The following CD99 variants were observed in gnomAD, a reference collection of about 807,000 sequenced individuals.
CD99 encodes CD99 molecule (Xg blood group).
CD99 carries 19 observed loss-of-function variants against 28.4 expected under a neutral mutation model. That is an observed-to-expected ratio of 0.67 (90% CI 0.47 to 0.98). The LOEUF is 0.98. Ranked by LOEUF, CD99 falls within the 50% of genes least tolerant of loss-of-function variation. CD99 has a pLI of 0.00. For missense variants in CD99, 283 were observed against 248.8 expected, an observed-to-expected ratio of 1.14 and a Z score of -0.92; for synonymous variants, 103 against 92.1, an observed-to-expected ratio of 1.12 and a Z score of -0.67.
intron 8 of CD99, chrX:2,733,271 G>A (rs1293159411): frequency 3.2e-5 from 45 of 1,385,506 alleles, no homozygotes; most frequent in South Asian, 3.0e-4. Flanking sequence ...CTGCTGCTGG[G>A]AGCCCCAGCG....
intron 8 of CD99, among the ~76,000 whole-genome samples, chrX:2,732,604 C>T (rs2049688833): frequency 1.3e-5 from 2 of 148,752 alleles, no homozygotes; most frequent in South Asian, 2.2e-4. Flanking sequence ...CTCCCTCTTT[C>T]TTCCTCCCTC....
chrX:2,713,304 T>C lies in CD99; in HGVS notation c.68-1118T>C, dbSNP rs892916222. On this transcript the variant is annotated intron_variant, in intron 1 of 9. Transcript: ENST00000381192. ...CCACATGAACATGCACTGACACATA[T>C]GCACACAAAAAACACACTACACACA... Among the ~76,000 whole-genome samples the C allele has an allele frequency of 2.2e-4, 28 of 127,120 alleles. 2 individuals carry two copies. The highest frequency in any genetic ancestry group is 1.5e-3 in the Admixed American group (19 of 12,358). 83.4% of individuals were successfully genotyped at this position (127,120 alleles called of 152,430 possible).
chrX:2,694,331 G>T (rs1056544215), intron 1 of CD99, among the ~76,000 whole-genome samples: 2 of 151,796 alleles, frequency 1.3e-5, no homozygotes, highest in South Asian at 2.1e-4. Context: ...GCCCCTGTGG[G>T]TGTGTGTGGA....
chrX:2,704,676 A>G (rs1250626925), intron 1 of CD99, among the ~76,000 whole-genome samples: 1 of 151,810 alleles, frequency 6.6e-6, no homozygotes, highest in African/African-American at 2.4e-5. Context: ...GCCTGCCTCA[A>G]CCTCCCAAAG....
chrX:2,691,753 T>C (rs767878207), intron 1 of CD99: 5 of 747,422 alleles, frequency 6.7e-6, no homozygotes, highest in African/African-American at 1.7e-5. Flanking sequence ...TCCCTTTGCA[T>C]GAGCCCCTCA....
chrX:2,694,625 C>T (rs1178400881), intron 1 of CD99, among the ~76,000 whole-genome samples: 3 of 151,942 alleles, frequency 2.0e-5, no homozygotes, highest in Non-Finnish European at 2.9e-5. Flanking sequence ...TGGTGGTGAG[C>T]GCCTATAATC....
In CD99 at chrX:2,727,464, C is replaced by T. The variant is rs190147035; in HGVS notation, c.475+1091C>T. On this transcript the variant is annotated intron_variant, in intron 8 of 9. Transcript: ENST00000381192. ...TGTGGTTTGCAGGAATCCCATCGAC[C>T]GGGAACAGCTACTCTTATTTTTTAT... The T allele has an allele frequency of 7.1e-3, 5,006 of 707,722 alleles. 217 individuals carry two copies. In the East Asian group the frequency reaches 0.097, roughly 14 times the overall value. 43.8% of individuals were successfully genotyped at this position (707,722 alleles called of 1,614,324 possible).
intron 1 of CD99, among the ~76,000 whole-genome samples, chrX:2,692,527 G>C (rs931469129): frequency 7.9e-5 from 12 of 152,202 alleles, no homozygotes; most frequent in Non-Finnish European, 1.6e-4. Flanking sequence ...AAGGGGTCCC[G>C]GGTATCCTAG....
intron 8 of CD99, chrX:2,733,388 C>A: frequency 6.3e-7 from 1 of 1,592,466 alleles, no homozygotes; most frequent in Non-Finnish European, 8.5e-7. Context: ...AGCAGAGAAC[C>A]CAGCCCAGGC....
In CD99 at chrX:2,726,229, C is replaced by T. The variant is rs200040170; in HGVS notation, c.362-31C>T. The T allele has an allele frequency of 5.8e-6, 8 of 1,369,138 alleles. No individual in the cohort carries two copies. The East Asian group carries it at 1.6e-4, about 27-fold the overall frequency. The allele number at this position is 1,369,138 out of a possible 1,614,324, so 84.8% of individuals were successfully genotyped here. A position where few individuals can be genotyped will look rare whatever the true frequency, so the allele number is the denominator to read the frequency against. On this transcript the variant is annotated intron_variant, in intron 7 of 9. Transcript: ENST00000381192. ...GATCTTCTCTGCACCGTGCGTGTCTCAATCACGATGCTGTGTGCTTCCTCC... is the reference window on the plus strand; with the variant it reads ...GATCTTCTCTGCACCGTGCGTGTCTTAATCACGATGCTGTGTGCTTCCTCC...
At chrX:2,708,093 C>A (rs1280339358) in intron 1 of CD99, among the ~76,000 whole-genome samples, 1 of 152,096 alleles carries the variant, frequency 6.6e-6, no homozygotes, top group Non-Finnish European at 1.5e-5. Context: ...GCATTTGCAT[C>A]CATTTATATA....
intron 1 of CD99, among the ~76,000 whole-genome samples, chrX:2,694,432 T>C (rs2047478572): frequency 2.0e-5 from 3 of 152,046 alleles, no homozygotes; most frequent in Admixed American, 6.6e-5. Context: ...TTGGCTCTGG[T>C]AAAAGTTGAT....
At chrX:2,702,529 T>A (rs1199922000) in intron 1 of CD99, among the ~76,000 whole-genome samples, 6 of 152,262 alleles carry the variant, frequency 3.9e-5, no homozygotes, top group African/African-American at 1.2e-4. Flanking sequence ...GTGACTTGCC[T>A]GCTTACTAAA....
At chrX:2,736,450 G>C (rs530541817) in intron 8 of CD99, among the ~76,000 whole-genome samples, 1 of 151,996 alleles carries the variant, frequency 6.6e-6, no homozygotes, top group Non-Finnish European at 1.5e-5. Context: ...TCTCTTACGC[G>C]TTTCCAATTC....
chrX:2,733,149 CTCTG>C (rs3831735), intron 8 of CD99, among the ~76,000 whole-genome samples: 13,830 of 151,424 alleles, frequency 0.091, 848 homozygotes, highest in East Asian at 0.36. Context: ...CCCTGCCTTC[CTCTG>C]TCTCTCCCTT....
rs754209753 is a variant in CD99, at chrX:2,706,156, G to C, written c.68-8266G>C. Among the ~76,000 whole-genome samples, 62 of 151,822 alleles carry C rather than the reference G, an allele frequency of 4.1e-4. No homozygotes were observed. In the South Asian group the frequency reaches 0.013, roughly 31 times the overall value. ...GGGCGGATCACGAGTTCAGGAGATCGAGACCATCCTGGCTACCACGGTGAA... is the reference window on the plus strand; with the variant it reads ...GGGCGGATCACGAGTTCAGGAGATCCAGACCATCCTGGCTACCACGGTGAA... On this transcript the variant is annotated intron_variant, in intron 1 of 9. Transcript: ENST00000381192.
At chrX:2,724,461 C>T (rs1246556097) in intron 7 of CD99, among the ~76,000 whole-genome samples, 2 of 151,700 alleles carry the variant, frequency 1.3e-5, no homozygotes, top group African/African-American at 2.4e-5. Flanking sequence ...TCACATCTGG[C>T]ATTTGGAATG....
chrX:2,702,007 A>T (rs374850200), intron 1 of CD99, among the ~76,000 whole-genome samples: 185 of 152,328 alleles, frequency 1.2e-3, no homozygotes, highest in African/African-American at 4.4e-3. Context: ...TTCTGATTTA[A>T]TTAGCCTGGG....
At chrX:2,730,419 G>C (rs1167273834) in intron 8 of CD99, among the ~76,000 whole-genome samples, 6 of 152,050 alleles carry the variant, frequency 3.9e-5, no homozygotes, top group Non-Finnish European at 7.3e-5. Context: ...TGATCCACCT[G>C]CCTTGGCCTC....
Sources: allele counts gnomAD v4.1 joint callset (sites outside exome capture counted in the v4.1 genomes callset), GRCh38; gene constraint gnomAD v4.1.1; transcripts MANE v1.5; gene names NCBI Gene and HGNC (gene_info 2026-07-23, HGNC 2026-07-21).